The following C12orf42 variants were observed in gnomAD, a reference collection of about 807,000 sequenced individuals.
C12orf42 encodes the protein uncharacterized protein C12orf42.
C12orf42 carries 25 observed loss-of-function variants against 21.6 expected under a neutral mutation model. The ratio of observed to expected loss-of-function variants is 1.16; its 90% CI spans 0.84 to 1.62. The LOEUF is 1.62. C12orf42 is among the 40% of genes most tolerant of loss of function. The probability of loss-of-function intolerance (pLI) is 0.00; values close to 1 mark genes in which losing one functional copy is unlikely to be tolerated. For missense variants in C12orf42, 483 were observed against 459.3 expected (o/e 1.05, Z -0.47); for synonymous variants, 174 against 175.0 (o/e 0.99, Z 0.05).
At chr12:103,234,588 C>A (rs886074906), downstream of C12orf42, among the ~76,000 whole-genome samples, 1 of 152,158 alleles carries the variant, frequency 6.6e-6, no homozygotes, top group Admixed American at 6.5e-5. Context: ...CTCACTACAT[C>A]TTACATTAAA....
At chr12:103,057,536 CT>C in the C12orf42 span, among the ~76,000 whole-genome samples, 1 of 152,086 alleles carries the variant, frequency 6.6e-6, no homozygotes, top group Non-Finnish European at 1.5e-5. Context: ...TGATCTCATT[CT>C]TTTTTGTGGC....
the C12orf42 span, among the ~76,000 whole-genome samples, chr12:103,168,572 C>T: frequency 1.3e-5 from 2 of 152,054 alleles, no homozygotes; most frequent in Non-Finnish European, 2.9e-5. Context: ...ATTATAAAAC[C>T]AACATTAGTT....
At chr12:103,166,588 T>G in the C12orf42 span, among the ~76,000 whole-genome samples, 1 of 152,188 alleles carries the variant, frequency 6.6e-6, no homozygotes, top group African/African-American at 2.4e-5. Flanking sequence ...AAAGTCATAC[T>G]CCTTCAGCTA....
Position 103,306,178 on chromosome 12 carries a change from T to C in C12orf42, c.427A>G (p.Ile143Val), listed in dbSNP as rs1470569250. 5 of 1,613,786 alleles carry C rather than the reference T, an allele frequency of 3.1e-6. No individual in the cohort carries two copies. Among genetic ancestry groups the C allele is most frequent in the Non-Finnish European group, 4.2e-6 (5 of 1,179,880 alleles). Residue 143 changes from isoleucine to valine, a missense_variant, in exon 5 of 6, where the codon ATT (isoleucine) becomes GTT (valine). Transcript: ENST00000548883. ...TCAGTTTCTCCTCTGGCAGTAAAAA[T>C]CAATGGGGCCTCATCAGTTTCACTG... ...PSSETDEAPL[I>V]FTARGETEER... is the part of the protein sequence containing the mutation.
chr12:103,227,319 G>A, the C12orf42 span, among the ~76,000 whole-genome samples: 8 of 151,700 alleles, frequency 5.3e-5, no homozygotes, highest in Non-Finnish European at 1.2e-4. Context: ...AAGAGGTTGG[G>A]GCACGGAAAT....
At chr12:103,067,566 G>C in the C12orf42 span, among the ~76,000 whole-genome samples, 1 of 152,126 alleles carries the variant, frequency 6.6e-6, no homozygotes, top group Non-Finnish European at 1.5e-5. Flanking sequence ...AGGATACACA[G>C]GCCCAGGAAT....
intron 4 of C12orf42, among the ~76,000 whole-genome samples, chr12:103,322,593 T>A (rs529783133): frequency 1.3e-5 from 2 of 152,130 alleles, no homozygotes; most frequent in East Asian, 3.8e-4. Flanking sequence ...GCTTTGGATA[T>A]ATGAGCCACT....
chr12:103,138,158 G>A, the C12orf42 span, among the ~76,000 whole-genome samples: 1 of 152,088 alleles, frequency 6.6e-6, no homozygotes, highest in African/African-American at 2.4e-5. Flanking sequence ...ACAGATATTT[G>A]TATCAACTAA....
chr12:103,341,756 G>T (rs2137253324), intron 4 of C12orf42, among the ~76,000 whole-genome samples: 1 of 152,044 alleles, frequency 6.6e-6, no homozygotes, highest in South Asian at 2.1e-4. Flanking sequence ...TAAATATAAA[G>T]ACATAAATAG....
chr12:103,434,491 G>A (rs1048260271), intron 2 of C12orf42, among the ~76,000 whole-genome samples: 5 of 152,162 alleles, frequency 3.3e-5, no homozygotes, highest in East Asian at 1.9e-4. Flanking sequence ...TTGAGGTACC[G>A]GGTTCATCTC....
chr12:103,300,688 G>A (rs2037590709), downstream of C12orf42, among the ~76,000 whole-genome samples: 1 of 152,074 alleles, frequency 6.6e-6, no homozygotes, highest in Non-Finnish European at 1.5e-5. Context: ...TAATTAAATA[G>A]CAAATTAAAA....
At chr12:103,385,143 A>G (rs781332636) in intron 3 of C12orf42, among the ~76,000 whole-genome samples, 5 of 152,222 alleles carry the variant, frequency 3.3e-5, no homozygotes, top group Non-Finnish European at 5.9e-5. Flanking sequence ...GACTTGATCA[A>G]TACATCCACG....
chr12:103,191,492 G>A, the C12orf42 span, among the ~76,000 whole-genome samples: 47 of 116,414 alleles, frequency 4.0e-4, 3 homozygotes, highest in South Asian at 9.2e-3. Context: ...CAGATTACTT[G>A]AGTTCAGGAG....
chr12:103,363,040 T>C (rs954712519), intron 4 of C12orf42, among the ~76,000 whole-genome samples: 1 of 152,046 alleles, frequency 6.6e-6, no homozygotes, highest in Non-Finnish European at 1.5e-5. Context: ...CCTAGGCACA[T>C]TGTCATTAGG....
chr12:103,106,321 C>T, the C12orf42 span, among the ~76,000 whole-genome samples: 16 of 151,710 alleles, frequency 1.1e-4, no homozygotes, highest in African/African-American at 3.9e-4. Flanking sequence ...ATGTGCTTGA[C>T]TAAGAAAGAG....
At chr12:103,131,639 C>A in the C12orf42 span, among the ~76,000 whole-genome samples, 4 of 152,104 alleles carry the variant, frequency 2.6e-5, no homozygotes, top group African/African-American at 9.7e-5. Flanking sequence ...AACAAGAAAC[C>A]AATCAAGAAA....
At chr12:103,527,577 T>C in the C12orf42 span, among the ~76,000 whole-genome samples, 1 of 152,222 alleles carries the variant, frequency 6.6e-6, no homozygotes, top group African/African-American at 2.4e-5. Context: ...GGTTTTTCTC[T>C]TCCTTTCTGG....
rs556909510 is a variant in C12orf42, at chr12:103,461,780, C to A, written c.78+16569G>T. ...CAAGTATCCGATACATTGCACTTAA[C>A]CATTCAGAATCTCCATTTCTACAAC... On this transcript the variant is annotated intron_variant, in intron 2 of 5. Coordinates refer to ENST00000548883, the MANE Select transcript of C12orf42 (RefSeq NM_198521.5). 2.0e-5 allele frequency among the ~76,000 whole-genome samples: 3 copies of A among 152,222 alleles called. No individual in the cohort carries two copies. The East Asian group carries it at 5.8e-4, about 29-fold the overall frequency.
chr12:103,251,186 G>A (rs1013720505), intron 10 of C12orf42, among the ~76,000 whole-genome samples: 18 of 152,026 alleles, frequency 1.2e-4, no homozygotes, highest in Non-Finnish European at 4.4e-5. Context: ...CAGACACTTG[G>A]TTGCAAATTT....
Sources: allele counts gnomAD v4.1 joint callset (sites outside exome capture counted in the v4.1 genomes callset), GRCh38; gene constraint gnomAD v4.1.1; transcripts MANE v1.5; gene names NCBI Gene and HGNC (gene_info 2026-07-23, HGNC 2026-07-21).